The following PPARG variants were observed in gnomAD, a reference collection of about 807,000 sequenced individuals.
PPARG encodes the protein peroxisome proliferator-activated receptor gamma.
A neutral mutation model predicts 39.2 loss-of-function variants in PPARG; 17 were observed. The observed-to-expected ratio is 0.43, with a 90% CI of 0.30 to 0.65. PPARG has a LOEUF of 0.65. Ranked by LOEUF, PPARG falls within the 30% of genes least tolerant of loss-of-function variation. The pLI is 0.13. For missense variants in PPARG, 406 were observed against 585.9 expected (o/e 0.69, Z 3.17); for synonymous variants, 223 against 215.7 (o/e 1.03, Z -0.30).
chr3:12,413,373 A>T (rs2050946160), intron 6 of PPARG, among the ~76,000 whole-genome samples: 2 of 152,240 alleles, frequency 1.3e-5, no homozygotes, highest in Admixed American at 6.5e-5. Flanking sequence ...GAAAGAATCT[A>T]TGCAGCCTTC....
chr3:12,432,132 A>C (rs1424181040), intron 7 of PPARG, among the ~76,000 whole-genome samples: 1 of 152,224 alleles, frequency 6.6e-6, no homozygotes, highest in Non-Finnish European at 1.5e-5. Flanking sequence ...ATGGTTCTGC[A>C]AACAAATTCT....
chr3:12,335,750 C>T (rs932615105), intron 2 of PPARG, among the ~76,000 whole-genome samples: 2 of 152,086 alleles, frequency 1.3e-5, no homozygotes, highest in South Asian at 2.1e-4. Flanking sequence ...CACCCCACCA[C>T]GTTCTAATTA....
intron 2 of PPARG, among the ~76,000 whole-genome samples, chr3:12,368,222 C>T (rs1164260978): frequency 1.6e-5 from 2 of 124,696 alleles, no homozygotes; most frequent in African/African-American, 5.6e-5. Flanking sequence ...CTCTCTGTTG[C>T]CCAGGCTGGA....
chr3:12,313,774 T>C (rs1429990575), intron 2 of PPARG, among the ~76,000 whole-genome samples: 2 of 152,302 alleles, frequency 1.3e-5, no homozygotes, highest in Admixed American at 1.3e-4. Context: ...CTACGTATAA[T>C]ATTGAATTAT....
At position 12,409,796 on chromosome 3, in the gene PPARG, A is replaced by C. The variant is rs968666229; in HGVS notation, c.729+3715A>C. Among the ~76,000 whole-genome samples the C allele has an allele frequency of 4.6e-5, 7 of 152,304 alleles. No homozygotes were observed. In the East Asian group the frequency reaches 9.7e-4, roughly 21 times the overall value. On this transcript the variant is annotated intron_variant, in intron 6 of 7. Transcript: ENST00000651735. ...ATTGAAGAGGCCATTCTTTAAATGTATCTTACTGCTCAATTTCACCATTGC... is the reference window on the plus strand; with the variant it reads ...ATTGAAGAGGCCATTCTTTAAATGTCTCTTACTGCTCAATTTCACCATTGC...
At chr3:12,384,564 T>C (rs2049804186) in intron 4 of PPARG, among the ~76,000 whole-genome samples, 1 of 152,172 alleles carries the variant, frequency 6.6e-6, no homozygotes, top group African/African-American at 2.4e-5. Flanking sequence ...ATCTAGAAAA[T>C]GATTCAGATG....
intron 4 of PPARG, among the ~76,000 whole-genome samples, chr3:12,387,491 A>G (rs944859360): frequency 8.6e-5 from 13 of 152,036 alleles, no homozygotes; most frequent in Admixed American, 6.6e-4. Flanking sequence ...GCATTTTTTC[A>G]TATGTCTGTT....
chr3:12,350,991 A>T (rs1194196402), intron 2 of PPARG, among the ~76,000 whole-genome samples: 1 of 152,230 alleles, frequency 6.6e-6, no homozygotes, highest in Non-Finnish European at 1.5e-5. Context: ...GTACCTTAGG[A>T]ATATAACATT....
chr3:12,380,413 TTTTAA>T (rs1432936382), intron 3 of PPARG, among the ~76,000 whole-genome samples: 2 of 152,322 alleles, frequency 1.3e-5, no homozygotes, highest in South Asian at 2.1e-4. Flanking sequence ...CACAAATTTG[TTTTAA>T]CATTGTAGCC....
chr3:12,357,439 C>T (rs2048704274), intron 2 of PPARG, among the ~76,000 whole-genome samples: 1 of 152,142 alleles, frequency 6.6e-6, no homozygotes, highest in Non-Finnish European at 1.5e-5. Flanking sequence ...CTGTCAATTC[C>T]CTATAATCTT....
chr3:12,355,832 G>A (rs2048642476), intron 2 of PPARG, among the ~76,000 whole-genome samples: 1 of 152,064 alleles, frequency 6.6e-6, no homozygotes, highest in Non-Finnish European at 1.5e-5. Context: ...TCTGCCAATT[G>A]CAGTATAAAA....
At chr3:12,383,516 G>C (rs1340984540) in intron 4 of PPARG, among the ~76,000 whole-genome samples, 1 of 151,940 alleles carries the variant, frequency 6.6e-6, no homozygotes, top group Non-Finnish European at 1.5e-5. Context: ...GTAAACTGTT[G>C]CTAAATTCTG....
chr3:12,397,758 T>C (rs977012215), intron 5 of PPARG, among the ~76,000 whole-genome samples: 4 of 151,850 alleles, frequency 2.6e-5, no homozygotes, highest in South Asian at 2.1e-4. Context: ...TAAAGAAAAA[T>C]TACCCAAATC....
In PPARG at chr3:12,409,585, T is replaced by C. The variant is rs193050574; in HGVS notation, c.729+3504T>C. Among the ~76,000 whole-genome samples, 7 of 152,238 alleles carry C rather than the reference T, an allele frequency of 4.6e-5. No homozygotes were observed. The East Asian group carries it at 1.4e-3, about 29-fold the overall frequency. ...ATTGATAGGAAAAGTTTTGCAGAAA[T>C]ATGGACTCTTGAGAGGGTGGGAGGT... On this transcript the variant is annotated intron_variant, in intron 6 of 7. Coordinates refer to ENST00000651735, the MANE Select transcript of PPARG (RefSeq NM_138711.6).
At chr3:12,327,063 A>G (rs775265980) in intron 2 of PPARG, among the ~76,000 whole-genome samples, 3 of 152,198 alleles carry the variant, frequency 2.0e-5, no homozygotes, top group African/African-American at 4.8e-5. Flanking sequence ...AAGAATGACT[A>G]ATTTACTGTG....
At chr3:12,320,112 G>A (rs115148388) in intron 2 of PPARG, among the ~76,000 whole-genome samples, 2,447 of 152,238 alleles carry the variant, frequency 0.016, 65 homozygotes, top group African/African-American at 0.055. Context: ...GCATACAGAG[G>A]TATTACATTT....
intron 2 of PPARG, among the ~76,000 whole-genome samples, chr3:12,373,674 C>T (rs961908770): frequency 6.6e-6 from 1 of 151,584 alleles, no homozygotes; most frequent in Non-Finnish European, 1.5e-5. Context: ...AAAAAAAAAA[C>T]TGTGCATAGA....
In PPARG at chr3:12,290,128, G is replaced by A. The variant is rs577851725; in HGVS notation, c.-83+994G>A. ...TCTTAAGAGATCTTTGAATCAACTG[G>A]TGGCCATCTCAGTCTTTTAAAACTC... On this transcript the variant is annotated intron_variant, in intron 1 of 7. Coordinates refer to ENST00000651735, the MANE Select transcript of PPARG (RefSeq NM_138711.6). 1.6e-3 allele frequency among the ~76,000 whole-genome samples: 243 copies of A among 152,092 alleles called. 1 individual carries two copies. The highest frequency in any genetic ancestry group is 3.0e-3 in the Non-Finnish European group (203 of 67,968).
intron 4 of PPARG, among the ~76,000 whole-genome samples, chr3:12,386,077 C>T (rs2049858539): frequency 1.3e-5 from 2 of 152,122 alleles, no homozygotes; most frequent in Admixed American, 1.3e-4. Context: ...TCACAGACTT[C>T]CTGATCATCA....
Sources: gnomAD v4.1 joint callset for allele counts (sites outside exome capture counted in the v4.1 genomes callset) on GRCh38, gnomAD v4.1.1 for gene constraint, MANE v1.5 for transcripts, NCBI Gene and HGNC (gene_info 2026-07-23, HGNC 2026-07-21) for gene names.